Variants in ARID4B observed in about 807,000 individuals in gnomAD.
ARID4B encodes the protein AT-rich interactive domain-containing protein 4B.
Under a neutral mutation model 147.5 loss-of-function variants are expected in ARID4B, and 26 were observed. That is an observed-to-expected ratio of 0.18 (90% CI 0.13 to 0.24). ARID4B has a LOEUF of 0.24. ARID4B is among the 10% of genes least tolerant of loss of function. ARID4B has a pLI of 1.00. For synonymous variants in ARID4B, 512 were observed against 507.9 expected (o/e 1.01, Z -0.11); for missense variants, 1,179 against 1,511.5 (o/e 0.78, Z 3.65).
In ARID4B at chr1:235,246,987, G is replaced by A. The variant is rs1279682252; in HGVS notation, c.355-476C>T. On this transcript the variant is annotated intron_variant, in intron 6 of 23. Transcript: ENST00000264183. ...ATCAATCGCACGAACAAAAAGCCTC[G>A]GAGTAAGTTATATTACTACTCTGCA... 3.9e-5 allele frequency among the ~76,000 whole-genome samples: 6 copies of A among 151,914 alleles called. No homozygotes were observed. In the East Asian group the frequency reaches 5.8e-4, roughly 15 times the overall value.
chr1:235,252,610 G>T (rs1669714652), intron 6 of ARID4B, 120 bp downstream of exon 6: 1 of 700,494 alleles, frequency 1.4e-6, no homozygotes, highest in African/African-American at 1.8e-5. Flanking sequence ...CATCATAAGG[G>T]TATTGTGTAT....
chr1:235,268,414 T>C (rs372051020), intron 2 of ARID4B, among the ~76,000 whole-genome samples: 68 of 152,172 alleles, frequency 4.5e-4, no homozygotes, highest in African/African-American at 1.6e-3. Context: ...TACTTCTAGG[T>C]GTGCGTGTGT....
chr1:235,289,678 T>C (rs1268273438), intron 2 of ARID4B, among the ~76,000 whole-genome samples: 3 of 151,054 alleles, frequency 2.0e-5, no homozygotes, highest in East Asian at 3.9e-4. Flanking sequence ...TAAGCCGTTA[T>C]TGGACCACTG....
Position 235,246,488 on chromosome 1 carries a change from G to T in ARID4B, c.378C>A (p.Thr126=), listed in dbSNP as rs1484750158. The change falls in exon 7 of 24, where the codon ACC becomes ACA. Residue 126 remains threonine, a synonymous_variant. Coordinates refer to ENST00000264183, the MANE Select transcript of ARID4B (RefSeq NM_016374.6). ...ESETLDQLPL[T]NPEHFGTPVI... ...CTGGAGTGCCAAAATGCTCAGGGTT[G>T]GTGAGTGGGAGCTGGTCTAATGTCT... is the stretch of plus-strand genomic sequence containing the variant. The T allele has an allele frequency of 6.2e-7, 1 of 1,613,708 alleles. No individual in the cohort carries two copies. Among genetic ancestry groups the T allele is most frequent in the Non-Finnish European group, 8.5e-7 (1 of 1,179,654 alleles).
intron 2 of ARID4B, among the ~76,000 whole-genome samples, chr1:235,307,638 C>T (rs1046201688): frequency 2.0e-5 from 3 of 152,144 alleles, no homozygotes; most frequent in African/African-American, 7.2e-5. Flanking sequence ...TGTGTCATCA[C>T]TTGGCAGAAG....
intron 7 of ARID4B, among the ~76,000 whole-genome samples, chr1:235,240,740 G>C (rs545628322): frequency 7.2e-5 from 11 of 152,232 alleles, no homozygotes; most frequent in Non-Finnish European, 1.2e-4. Flanking sequence ...TCAAAAAGGT[G>C]AAGGCCCCAT....
At chr1:235,169,819 G>A (rs570293974) in intron 23 of ARID4B, among the ~76,000 whole-genome samples, 1 of 151,958 alleles carries the variant, frequency 6.6e-6, no homozygotes, top group Middle Eastern at 3.4e-3. Flanking sequence ...GCGCCACCAT[G>A]TCCGGCTAAT....
At chr1:235,223,140 T>C (rs1391392477) in intron 13 of ARID4B, 26 bp downstream of exon 13, 1 of 1,413,628 alleles carries the variant, frequency 7.1e-7, no homozygotes, top group Non-Finnish European at 9.8e-7. Context: ...ATGAAAAAGA[T>C]GTTTCAGTTT....
At chr1:235,200,874 T>C (rs929129775) in intron 17 of ARID4B, among the ~76,000 whole-genome samples, 1 of 152,180 alleles carries the variant, frequency 6.6e-6, no homozygotes, top group Non-Finnish European at 1.5e-5. Flanking sequence ...CCAGGCCCGG[T>C]GGCTTATGCC....
At chr1:235,307,547 C>G (rs1673664180) in intron 2 of ARID4B, among the ~76,000 whole-genome samples, 1 of 152,172 alleles carries the variant, frequency 6.6e-6, no homozygotes, top group South Asian at 2.1e-4. Context: ...TCTAAAGATT[C>G]TTCAGCCAAA....
At chr1:235,303,481 T>C (rs1265788739) in intron 2 of ARID4B, among the ~76,000 whole-genome samples, 1 of 152,056 alleles carries the variant, frequency 6.6e-6, no homozygotes, top group African/African-American at 2.4e-5. Context: ...TCCAGCACTT[T>C]GAGGGGCCAA....
chr1:235,235,887 A>G (rs1668520613), intron 8 of ARID4B, among the ~76,000 whole-genome samples: 1 of 151,946 alleles, frequency 6.6e-6, no homozygotes, highest in South Asian at 2.1e-4. Flanking sequence ...GTAAATACTC[A>G]GTGCATGGTA....
chr1:235,246,181 C>T (rs1669288782), intron 7 of ARID4B, among the ~76,000 whole-genome samples: 1 of 152,098 alleles, frequency 6.6e-6, no homozygotes, highest in Non-Finnish European at 1.5e-5. Context: ...TTCATTTTGA[C>T]TACAGCATCA....
chr1:235,226,504 G>A (rs1248747626), intron 11 of ARID4B, among the ~76,000 whole-genome samples: 1 of 151,870 alleles, frequency 6.6e-6, no homozygotes, highest in Non-Finnish European at 1.5e-5. Context: ...GGGATAACAG[G>A]CACCTGCCAC....
chr1:235,210,286 T>A lies in ARID4B; in HGVS notation c.1841+3483A>T, dbSNP rs115586326. Among the ~76,000 whole-genome samples the A allele has an allele frequency of 7.6e-4, 115 of 152,016 alleles. 2 individuals carry two copies. The highest frequency in any genetic ancestry group is 2.5e-3 in the African/African-American group (103 of 41,462). On this transcript the variant is annotated intron_variant, in intron 17 of 23. Transcript: ENST00000264183. Reference sequence around the variant, plus strand: ...AGATTAAAAAAACCATGGAAATAGGTCCACACAAATCTCCCAAACTGCTTG... The same window carrying A: ...AGATTAAAAAAACCATGGAAATAGGACCACACAAATCTCCCAAACTGCTTG...
rs1437778521 is a variant in ARID4B at position 235,229,031 on chromosome 1, A to G, written c.897+200T>C. ...GAGGTTATTAGGAAAATCAGGCTTA[A>G]TATTTTCTATTTCACAAGATCATAT... On this transcript the variant is annotated intron_variant, in intron 11 of 23. Transcript: ENST00000264183. The G allele has an allele frequency of 6.8e-6, 4 of 590,526 alleles. No individual in the cohort carries two copies. The East Asian group carries it at 1.3e-4, about 19-fold the overall frequency. The allele number at this position is 590,526 out of a possible 1,614,324, so 36.6% of individuals were successfully genotyped here.
intron 5 of ARID4B, among the ~76,000 whole-genome samples, chr1:235,253,995 T>C (rs1390575914): frequency 2.6e-5 from 4 of 152,166 alleles, no homozygotes; most frequent in African/African-American, 9.6e-5. Context: ...ACATAACAAG[T>C]TACATTATGT....
At chr1:235,184,701 T>C (rs1664555306) in intron 19 of ARID4B, among the ~76,000 whole-genome samples, 1 of 152,294 alleles carries the variant, frequency 6.6e-6, no homozygotes, top group Middle Eastern at 3.4e-3. Context: ...TAAAAACAAA[T>C]CTAGACTCAT....
intron 17 of ARID4B, among the ~76,000 whole-genome samples, chr1:235,204,219 G>A (rs1666153713): frequency 6.6e-6 from 1 of 152,198 alleles, no homozygotes; most frequent in South Asian, 2.1e-4. Flanking sequence ...CTACTCGGGA[G>A]GCTGAGGCAG....
Sources: allele counts gnomAD v4.1 joint callset (sites outside exome capture counted in the v4.1 genomes callset), GRCh38; gene constraint gnomAD v4.1.1; transcripts MANE v1.5; gene names NCBI Gene and HGNC (gene_info 2026-07-23, HGNC 2026-07-21).